EVI5: variants seen among roughly 807,000 people sequenced by gnomAD.
EVI5 encodes the protein ecotropic viral integration site 5.
Under a neutral mutation model 112.0 loss-of-function variants are expected in EVI5, and 73 were observed. The observed-to-expected ratio is 0.65, with a 90% CI of 0.54 to 0.79. The LOEUF is 0.79. Among genes scored for constraint, EVI5 ranks in the 30% least tolerant of loss-of-function variants. The pLI, the probability that EVI5 is intolerant of heterozygous loss-of-function variation, is 0.00. For synonymous variants in EVI5, 305 were observed against 319.9 expected, an observed-to-expected ratio of 0.95 and a Z score of 0.50; for missense variants, 900 against 968.8, an observed-to-expected ratio of 0.93 and a Z score of 0.94.
At chr1:92,728,425 G>A (rs1675949312) in intron 2 of EVI5, among the ~76,000 whole-genome samples, 1 of 149,456 alleles carries the variant, frequency 6.7e-6, no homozygotes, top group Non-Finnish European at 1.5e-5. Context: ...CTGTCGCCCA[G>A]GCTAGAGTGC....
At chr1:92,581,983 C>T (rs547179181) in intron 18 of EVI5, among the ~76,000 whole-genome samples, 7 of 152,156 alleles carry the variant, frequency 4.6e-5, no homozygotes, top group Non-Finnish European at 7.3e-5. Context: ...AGTCACGACT[C>T]GCTTAACAAT....
Position 92,633,939 on chromosome 1 carries a change from A to C in EVI5, c.1527+2263T>G, listed in dbSNP as rs190798045. Among the ~76,000 whole-genome samples the C allele has an allele frequency of 2.5e-3, 388 of 152,242 alleles. 1 individual carries two copies. The highest frequency in any genetic ancestry group is 9.1e-3 in the African/African-American group (378 of 41,530). On this transcript the variant is annotated intron_variant, in intron 14 of 19. Coordinates refer to ENST00000684568, the MANE Select transcript of EVI5 (RefSeq NM_001350197.2). The stretch of plus-strand genomic sequence containing the variant: ...GGATTTTATTTCTCCTTCACTTATG[A>C]AGCTTAGTTTGGCTGGATATGAAAT...
chr1:92,725,412 T>C, intron 2 of EVI5, among the ~76,000 whole-genome samples: 1 of 152,182 alleles, frequency 6.6e-6, no homozygotes, highest in East Asian at 1.9e-4. Flanking sequence ...GTAATTTAAC[T>C]GCATGCCAGA....
Position 92,513,962 on chromosome 1 carries a change from G to C in EVI5, c.2175C>G (p.Cys725Trp), listed in dbSNP as rs140423717. 1.7e-4 allele frequency: 268 copies of C among 1,543,838 alleles called. No individual in the cohort carries two copies. The highest frequency in any genetic ancestry group is 5.7e-5 in the Admixed American group (3 of 52,320). Residue 725 changes from cysteine to tryptophan, a missense_variant, in exon 20 of 20, where the codon TGC (cysteine) becomes TGG (tryptophan). Coordinates refer to ENST00000684568, the MANE Select transcript of EVI5 (RefSeq NM_001350197.2). ...QIAELNHELRCLKGQRGFSGQ... is the reference protein window; with the variant it reads ...QIAELNHELRWLKGQRGFSGQ... Reference sequence around the variant, plus strand: ...CTGAGAAGCCCCTCTGGCCTTTTAGGCACCTGAGCTGTTAAAACAAAATCC... The same window carrying C: ...CTGAGAAGCCCCTCTGGCCTTTTAGCCACCTGAGCTGTTAAAACAAAATCC...
chr1:92,546,128 G>C (rs1665650528), intron 19 of EVI5, among the ~76,000 whole-genome samples: 1 of 152,078 alleles, frequency 6.6e-6, no homozygotes, highest in African/African-American at 2.4e-5. Flanking sequence ...GGGGCTTTAA[G>C]TACCATTTAG....
chr1:92,640,250 AAAAC>A, intron 13 of EVI5, among the ~76,000 whole-genome samples: 1 of 152,368 alleles, frequency 6.6e-6, no homozygotes, highest in East Asian at 1.9e-4. Flanking sequence ...AACAAAAGCC[AAAAC>A]TGACAAATGG....
At chr1:92,620,719 C>A (rs1399561250) in intron 16 of EVI5, among the ~76,000 whole-genome samples, 1 of 151,980 alleles carries the variant, frequency 6.6e-6, no homozygotes, top group Non-Finnish European at 1.5e-5. Flanking sequence ...CAAAAACCAG[C>A]ACTAAAGGAA....
At chr1:92,784,692 G>A (rs1185782164) in intron 1 of EVI5, 144 bp downstream of exon 1, 11 of 485,762 alleles carry the variant, frequency 2.3e-5, no homozygotes, top group Non-Finnish European at 2.9e-5. Flanking sequence ...CCCTGGCGGG[G>A]CCAGGCGCGC....
chr1:92,768,970 T>C (rs1683027246), intron 1 of EVI5, among the ~76,000 whole-genome samples: 1 of 152,130 alleles, frequency 6.6e-6, no homozygotes, highest in Non-Finnish European at 1.5e-5. Flanking sequence ...GCTAAGCAAC[T>C]ACAAAAAATG....
In EVI5 at chr1:92,706,567, T is replaced by C. The variant is rs75337050; in HGVS notation, c.150-1823A>G. The stretch of plus-strand genomic sequence containing the variant: ...CTAAGTTCGAGGTGTAATCCAAGTA[T>C]AGATGAAGAAGCACCTAAACAGAAG... On this transcript the variant is annotated intron_variant, in intron 2 of 19. Coordinates refer to ENST00000684568, the MANE Select transcript of EVI5 (RefSeq NM_001350197.2). Among the ~76,000 whole-genome samples, 275 of 152,314 alleles carry C rather than the reference T, an allele frequency of 1.8e-3. 1 individual carries two copies. The highest frequency in any genetic ancestry group is 3.4e-3 in the Non-Finnish European group (229 of 68,020).
In EVI5 at chr1:92,542,758, G is replaced by A. The variant is rs143563745; in HGVS notation, c.2166+20884C>T. 8.9e-3 allele frequency among the ~76,000 whole-genome samples: 1,348 copies of A among 152,266 alleles called. 8 individuals are homozygous for A. Among genetic ancestry groups the A allele is most frequent in the Middle Eastern group, 0.02 (6 of 294 alleles). ...CCACGGGCTGCAGAATGAATGTTTC[G>A]TTAGCAGCATGAAAACAACATTAAT... On this transcript the variant is annotated intron_variant, in intron 19 of 19. Coordinates refer to ENST00000684568, the MANE Select transcript of EVI5 (RefSeq NM_001350197.2).
intron 18 of EVI5, among the ~76,000 whole-genome samples, chr1:92,598,662 T>C (rs570679158): frequency 6.6e-6 from 1 of 152,292 alleles, no homozygotes; most frequent in Non-Finnish European, 1.5e-5. Flanking sequence ...CTCCTTAATT[T>C]TACAGGTTGT....
intron 18 of EVI5, among the ~76,000 whole-genome samples, chr1:92,579,854 G>A (rs1001619253): frequency 6.6e-6 from 1 of 152,138 alleles, no homozygotes; most frequent in Non-Finnish European, 1.5e-5. Flanking sequence ...TTAAACGGTC[G>A]CTTGTGATTA....
At chr1:92,526,911 A>G (rs1661969332) in intron 19 of EVI5, among the ~76,000 whole-genome samples, 1 of 152,238 alleles carries the variant, frequency 6.6e-6, no homozygotes, top group African/African-American at 2.4e-5. Context: ...AAGCTACTGC[A>G]GGATGTCAAT....
intron 10 of EVI5, among the ~76,000 whole-genome samples, chr1:92,674,163 T>C (rs1666334501): frequency 6.6e-6 from 1 of 152,186 alleles, no homozygotes; most frequent in Non-Finnish European, 1.5e-5. Flanking sequence ...TTTCCCATTT[T>C]ACAGCAAGGC....
upstream of EVI5, among the ~76,000 whole-genome samples, chr1:92,788,666 T>C (rs1685848551): frequency 6.6e-6 from 1 of 151,880 alleles, no homozygotes; most frequent in Admixed American, 6.6e-5. Flanking sequence ...TGGTGGTGTG[T>C]GCCTGTAGTC....
chr1:92,760,108 C>A (rs1681587919), intron 1 of EVI5, among the ~76,000 whole-genome samples: 1 of 152,128 alleles, frequency 6.6e-6, no homozygotes, highest in African/African-American at 2.4e-5. Context: ...ATTTATACTT[C>A]TTTTTCCAAA....
chr1:92,573,090 CT>C (rs1484025540), intron 18 of EVI5, among the ~76,000 whole-genome samples: 1 of 151,900 alleles, frequency 6.6e-6, no homozygotes, highest in African/African-American at 2.4e-5. Context: ...TTTTAAATGG[CT>C]AAGGAAATGA....
At chr1:92,607,539 T>A in intron 17 of EVI5, 42 bp downstream of exon 17, 1 of 1,419,318 alleles carries the variant, frequency 7.0e-7, no homozygotes, top group Non-Finnish European at 9.5e-7. Flanking sequence ...AAAGGCATTA[T>A]TATATTGACA....
Sources: allele counts gnomAD v4.1 joint callset (sites outside exome capture counted in the v4.1 genomes callset), GRCh38; gene constraint gnomAD v4.1.1; transcripts MANE v1.5; gene names NCBI Gene and HGNC (gene_info 2026-07-23, HGNC 2026-07-21).